The following CPVL variants were observed in gnomAD, a reference collection of about 807,000 sequenced individuals.
CPVL encodes the protein probable serine carboxypeptidase CPVL.
Under a neutral mutation model 63.7 loss-of-function variants are expected in CPVL, and 51 were observed. That is an observed-to-expected ratio of 0.80 (90% CI 0.64 to 1.01). The LOEUF (loss-of-function observed/expected upper bound fraction) is 1.01. Among genes scored for constraint, CPVL ranks in the 50% least tolerant of loss-of-function variants. The probability of loss-of-function intolerance (pLI) is 0.00; values close to 1 mark genes in which losing one functional copy is unlikely to be tolerated. For synonymous variants in CPVL, 195 were observed against 206.0 expected (o/e 0.95, Z 0.46); for missense variants, 530 against 573.1 (o/e 0.92, Z 0.77).
intron 7 of CPVL, among the ~76,000 whole-genome samples, chr7:29,078,106 T>TA (rs1361057384): frequency 7.9e-5 from 12 of 152,004 alleles, no homozygotes; most frequent in Middle Eastern, 3.4e-3. Flanking sequence ...CTGCTGCAAT[T>TA]AAAAAAAAGA....
chr7:29,087,832 C>T (rs1176692600), intron 6 of CPVL, among the ~76,000 whole-genome samples: 2 of 152,186 alleles, frequency 1.3e-5, no homozygotes. Context: ...TAAAAATTCA[C>T]CATGAAACAC....
chr7:29,149,189 CT>C (rs60520174), upstream of CPVL, among the ~76,000 whole-genome samples: 6,703 of 100,056 alleles, frequency 0.067, 302 homozygotes, highest in East Asian at 0.2. Context: ...GTCTGTTTCC[CT>C]TTTTTTTTTT....
At chr7:29,023,801 T>C (rs567061229) in intron 12 of CPVL, among the ~76,000 whole-genome samples, 1 of 152,214 alleles carries the variant, frequency 6.6e-6, no homozygotes, top group South Asian at 2.1e-4. Flanking sequence ...AAAACCAAAG[T>C]GCCCTACACA....
intron 5 of CPVL, among the ~76,000 whole-genome samples, chr7:29,154,351 T>G (rs573396207): frequency 6.6e-6 from 1 of 152,350 alleles, no homozygotes; most frequent in South Asian, 2.1e-4. Flanking sequence ...CATGTCTGTA[T>G]GAGCTAAATG....
chr7:29,112,827 T>G lies in CPVL; in HGVS notation c.170-5A>C, dbSNP rs375849431. 6.3e-7 allele frequency: 1 copy of G among 1,596,812 alleles called. No homozygotes were observed. Among genetic ancestry groups the G allele is most frequent in the African/African-American group, 1.4e-5 (1 of 72,900 alleles). On this transcript the variant is annotated splice_polypyrimidine_tract_variant and splice_region_variant and intron_variant, in intron 2 of 12. Coordinates refer to ENST00000265394, the MANE Select transcript of CPVL (RefSeq NM_031311.5). ...CGACCAAACTCAATTCTCTTCCTAG[T>G]GGGGGAAAAAAAATTTACCCAAGGA...
At chr7:29,029,616 G>T (rs1300634416) in intron 12 of CPVL, among the ~76,000 whole-genome samples, 1 of 152,172 alleles carries the variant, frequency 6.6e-6, no homozygotes, top group Non-Finnish European at 1.5e-5. Flanking sequence ...TTTCATGGAG[G>T]TAGAGAATAG....
chr7:29,121,866 G>C (rs1789419763), intron 1 of CPVL, among the ~76,000 whole-genome samples: 1 of 152,108 alleles, frequency 6.6e-6, no homozygotes, highest in Admixed American at 6.5e-5. Context: ...AAGGAAGAAA[G>C]AAAGGGGGGA....
intron 1 of CPVL, among the ~76,000 whole-genome samples, chr7:29,138,487 A>G (rs974989700): frequency 6.6e-6 from 1 of 152,134 alleles, no homozygotes; most frequent in Non-Finnish European, 1.5e-5. Context: ...ACTGGAAGAA[A>G]CTTGTGATTA....
intron 3 of CPVL, among the ~76,000 whole-genome samples, chr7:29,099,215 A>G (rs1786798168): frequency 1.3e-5 from 2 of 152,202 alleles, no homozygotes; most frequent in Non-Finnish European, 2.9e-5. Context: ...AGCTATTGCT[A>G]TAATAGATAA....
intron 5 of CPVL, among the ~76,000 whole-genome samples, chr7:29,164,640 G>A (rs972635017): frequency 2.0e-5 from 3 of 151,740 alleles, no homozygotes; most frequent in Admixed American, 6.6e-5. Flanking sequence ...AATTAGCCAC[G>A]CGTGGTGGCA....
intron 12 of CPVL, chr7:28,996,247 C>T (rs536957548): frequency 2.3e-5 from 4 of 177,330 alleles, no homozygotes; most frequent in South Asian, 1.4e-4. Flanking sequence ...CCCACTACTT[C>T]TGGGGTATGT....
At chr7:29,138,431 C>T (rs1429264227) in intron 1 of CPVL, among the ~76,000 whole-genome samples, 3 of 152,116 alleles carry the variant, frequency 2.0e-5, no homozygotes, top group African/African-American at 4.8e-5. Context: ...AAGAGCGAGA[C>T]TACGTCTCCA....
intron 1 of CPVL, among the ~76,000 whole-genome samples, chr7:29,137,026 C>A (rs1455083219): frequency 6.6e-6 from 1 of 152,160 alleles, no homozygotes; most frequent in African/African-American, 2.4e-5. Flanking sequence ...TGGACTACTG[C>A]AAACCTCCAA....
In CPVL at chr7:28,995,409, C is replaced by T. The variant is rs1783963640; in HGVS notation, c.*363G>A. 1 of 180,530 alleles carries T rather than the reference C, an allele frequency of 5.5e-6. No homozygotes were observed. Among genetic ancestry groups the T allele is most frequent in the Admixed American group, 6.4e-5 (1 of 15,712 alleles). The allele number at this position is 180,530 out of a possible 1,614,324, so 11.2% of individuals were successfully genotyped here. A position where few individuals can be genotyped will look rare whatever the true frequency, so the allele number is the denominator to read the frequency against. On this transcript the variant is annotated 3_prime_UTR_variant, in exon 13 of 13. Transcript: ENST00000265394. ...CGGCATGCCAAACTTCTGTTATTGG[C>T]AGAAAAAGATGTTACAGCTTTGTTT...
At chr7:29,119,906 G>A (rs149153256) in intron 2 of CPVL, among the ~76,000 whole-genome samples, 1 of 152,206 alleles carries the variant, frequency 6.6e-6, no homozygotes, top group East Asian at 1.9e-4. Context: ...CCACCTCCCC[G>A]GGATGTTGAG....
At chr7:29,100,377 G>C (rs932612274) in intron 3 of CPVL, among the ~76,000 whole-genome samples, 8 of 152,186 alleles carry the variant, frequency 5.3e-5, no homozygotes, top group African/African-American at 1.9e-4. Flanking sequence ...GTGGGGAGGA[G>C]GCCTCATCAG....
intron 12 of CPVL, among the ~76,000 whole-genome samples, chr7:29,026,167 A>G (rs562041579): frequency 3.7e-4 from 57 of 152,308 alleles, no homozygotes; most frequent in African/African-American, 1.4e-3. Context: ...ACCAAGGAAA[A>G]CTTTGGAAAC....
chr7:29,119,680 T>C (rs1450625208), intron 2 of CPVL, among the ~76,000 whole-genome samples: 3 of 152,256 alleles, frequency 2.0e-5, no homozygotes, highest in East Asian at 1.9e-4. Flanking sequence ...CCTTATCTCA[T>C]TGGATTTTCA....
chr7:29,161,072 T>C (rs551943454), intron 5 of CPVL, among the ~76,000 whole-genome samples: 106 of 152,316 alleles, frequency 7.0e-4, no homozygotes, highest in Middle Eastern at 3.4e-3. Flanking sequence ...ACCTAGAAGC[T>C]ACCTGACTTC....
Sources: allele counts gnomAD v4.1 joint callset (sites outside exome capture counted in the v4.1 genomes callset), GRCh38; gene constraint gnomAD v4.1.1; transcripts MANE v1.5; gene names NCBI Gene and HGNC (gene_info 2026-07-23, HGNC 2026-07-21).